Variants in INPP4B observed in about 807,000 individuals in gnomAD.
INPP4B encodes inositol polyphosphate 4-phosphatase type II.
In INPP4B, 55 loss-of-function variants were observed where a neutral mutation model predicts 122.5. The observed-to-expected ratio is 0.45, with a 90% CI of 0.36 to 0.56. The LOEUF (loss-of-function observed/expected upper bound fraction) is 0.56, where lower values mean the gene tolerates loss of function less well. Ranked by LOEUF, INPP4B falls within the 20% of genes least tolerant of loss-of-function variation. INPP4B has a pLI of 0.00. For synonymous variants in INPP4B, 403 were observed against 388.7 expected, an observed-to-expected ratio of 1.04 and a Z score of -0.43; for missense variants, 1,000 against 1,097.7, an observed-to-expected ratio of 0.91 and a Z score of 1.26.
chr4:142,650,013 A>T (rs574289058), intron 2 of INPP4B, among the ~76,000 whole-genome samples: 2 of 152,370 alleles, frequency 1.3e-5, no homozygotes, highest in East Asian at 3.9e-4. Context: ...CAAACTGTGG[A>T]TCTCTCAGGA....
At chr4:142,398,445 T>TATATATA (rs749321202) in intron 7 of INPP4B, among the ~76,000 whole-genome samples, 47 of 74,520 alleles carry the variant, frequency 6.3e-4, no homozygotes, top group Non-Finnish European at 9.3e-4. Context: ...TATATATATA[T>TATATATA]AAAACATATT....
At chr4:142,648,709 G>A (rs977860320) in intron 2 of INPP4B, among the ~76,000 whole-genome samples, 3 of 152,228 alleles carry the variant, frequency 2.0e-5, no homozygotes, top group African/African-American at 2.4e-5. Context: ...AGCTCAGCAC[G>A]GACTACTGCC....
chr4:142,788,828 T>C (rs777227379), intron 1 of INPP4B, among the ~76,000 whole-genome samples: 10 of 152,128 alleles, frequency 6.6e-5, no homozygotes, highest in Non-Finnish European at 1.2e-4. Flanking sequence ...TAGTATTCCA[T>C]TGTATTTATA....
chr4:142,719,539 G>T (rs1438949495), intron 2 of INPP4B, among the ~76,000 whole-genome samples: 1 of 151,778 alleles, frequency 6.6e-6, no homozygotes, highest in Non-Finnish European at 1.5e-5. Flanking sequence ...GCCCAGGCTG[G>T]TCTCAAATTC....
chr4:142,065,044 A>T (rs1762811922), intron 25 of INPP4B, among the ~76,000 whole-genome samples: 1 of 152,192 alleles, frequency 6.6e-6, no homozygotes, highest in Non-Finnish European at 1.5e-5. Context: ...AAGAGTCTTG[A>T]GTATAGGATA....
chr4:142,691,304 G>T (rs1019473707), intron 2 of INPP4B, among the ~76,000 whole-genome samples: 1 of 151,190 alleles, frequency 6.6e-6, no homozygotes, highest in South Asian at 2.1e-4. Context: ...AAAACAGTGG[G>T]TCCAAAATGC....
At chr4:142,102,612 A>T (rs1785041684) in intron 23 of INPP4B, among the ~76,000 whole-genome samples, 1 of 151,946 alleles carries the variant, frequency 6.6e-6, no homozygotes, top group African/African-American at 2.4e-5. Context: ...AGTCTTCAAG[A>T]GTTTTCTGTG....
At chr4:142,699,492 C>A (rs547726836) in intron 2 of INPP4B, among the ~76,000 whole-genome samples, 1 of 152,122 alleles carries the variant, frequency 6.6e-6, no homozygotes, top group Non-Finnish European at 1.5e-5. Context: ...CCTACTCTGT[C>A]CTTTTACCTG....
chr4:142,547,961 T>C (rs1454579831), intron 2 of INPP4B, among the ~76,000 whole-genome samples: 1 of 152,176 alleles, frequency 6.6e-6, no homozygotes, highest in Non-Finnish European at 1.5e-5. Flanking sequence ...ATTTGAGAGC[T>C]TGAACTCTTA....
intron 25 of INPP4B, among the ~76,000 whole-genome samples, chr4:142,076,143 A>C (rs1033183855): frequency 6.6e-6 from 1 of 152,050 alleles, no homozygotes; most frequent in African/African-American, 2.4e-5. Flanking sequence ...CACTATCAAC[A>C]AAAGAAAGTA....
chr4:142,291,449 C>T (rs895894760), intron 9 of INPP4B, among the ~76,000 whole-genome samples: 7 of 152,134 alleles, frequency 4.6e-5, no homozygotes, highest in African/African-American at 1.2e-4. Context: ...ACACGGCCAT[C>T]GACAATCTTC....
chr4:142,256,582 C>T lies in INPP4B; in HGVS notation c.688+3910G>A, dbSNP rs368347890. ...TCAGAGAATACTACAAACACCTCTA[C>T]GCAAATAAACTAGAAAATCTAGAAG... is the stretch of plus-strand genomic sequence containing the variant. On this transcript the variant is annotated intron_variant, in intron 11 of 25. Transcript: ENST00000262992. Among the ~76,000 whole-genome samples, 72 of 152,202 alleles carry T rather than the reference C, an allele frequency of 4.7e-4. 1 individual carries two copies. The South Asian group carries it at 5.2e-3, about 11-fold the overall frequency.
intron 21 of INPP4B, among the ~76,000 whole-genome samples, chr4:142,119,838 T>C (rs992038850): frequency 1.3e-5 from 2 of 150,354 alleles, no homozygotes; most frequent in African/African-American, 4.9e-5. Flanking sequence ...CACATATATA[T>C]ACATATATAC....
intron 1 of INPP4B, among the ~76,000 whole-genome samples, chr4:142,821,331 T>C (rs1187972253): frequency 6.6e-6 from 1 of 152,118 alleles, no homozygotes. Flanking sequence ...GTTAGTTTTC[T>C]ATTTTCTTAC....
At chr4:142,365,331 A>C (rs765390381) in intron 7 of INPP4B, among the ~76,000 whole-genome samples, 2 of 152,152 alleles carry the variant, frequency 1.3e-5, no homozygotes, top group Non-Finnish European at 2.9e-5. Context: ...ATGCAGATGC[A>C]AAAATCAACT....
At chr4:142,664,193 C>T (rs1165441632) in intron 2 of INPP4B, among the ~76,000 whole-genome samples, 1 of 152,166 alleles carries the variant, frequency 6.6e-6, no homozygotes, top group East Asian at 1.9e-4. Flanking sequence ...CACCAACATA[C>T]ATGCCAGCCA....
chr4:142,091,852 T>C (rs1271381239), intron 23 of INPP4B, among the ~76,000 whole-genome samples: 4 of 152,208 alleles, frequency 2.6e-5, no homozygotes, highest in South Asian at 2.1e-4. Context: ...CATTCTCTTA[T>C]GGCCAAATAA....
At chr4:142,742,137 A>G (rs1034243907) in intron 1 of INPP4B, among the ~76,000 whole-genome samples, 2 of 151,696 alleles carry the variant, frequency 1.3e-5, no homozygotes, top group Admixed American at 1.3e-4. Context: ...GTAGACCCAC[A>G]CTCACCCTCC....
chr4:142,177,259 TGG>T (rs754459550), intron 15 of INPP4B, among the ~76,000 whole-genome samples: 1,536 of 7,450 alleles, frequency 0.21, 30 homozygotes, highest in African/African-American at 0.23. Context: ...TAGTATGGTA[TGG>T]AAAAAAAAAA....
Sources: gnomAD v4.1 joint callset for allele counts (sites outside exome capture counted in the v4.1 genomes callset) on GRCh38, gnomAD v4.1.1 for gene constraint, MANE v1.5 for transcripts, NCBI Gene and HGNC (gene_info 2026-07-23, HGNC 2026-07-21) for gene names.